CECR2: variants seen among roughly 807,000 people sequenced by gnomAD.
CECR2 encodes chromatin remodeling regulator CECR2.
In CECR2, 30 loss-of-function variants were observed where a neutral mutation model predicts 154.5. The ratio of observed to expected loss-of-function variants is 0.19; its 90% CI spans 0.15 to 0.26. CECR2 has a LOEUF of 0.26. Ranked by LOEUF, CECR2 falls within the 10% of genes least tolerant of loss-of-function variation. The pLI is 1.00. For synonymous variants in CECR2, 725 were observed against 683.7 expected, an observed-to-expected ratio of 1.06 and a Z score of -0.94; for missense variants, 1,743 against 1,829.3, an observed-to-expected ratio of 0.95 and a Z score of 0.86.
intron 1 of CECR2, among the ~76,000 whole-genome samples, chr22:17,396,097 CT>C (rs2053805636): frequency 1.3e-5 from 2 of 151,028 alleles, no homozygotes; most frequent in South Asian, 4.2e-4. Context: ...AAAAAAACAA[CT>C]GGCTGTGGTG....
chr22:17,548,784 A>G lies in CECR2; in HGVS notation c.3497A>G (p.Asn1166Ser). ...TTTCCCCCAAGGGGCTTTCAGTCTAACCACCCACATTCTGGAGGCTTTCCC... is the reference window on the plus strand; with the variant it reads ...TTTCCCCCAAGGGGCTTTCAGTCTAGCCACCCACATTCTGGAGGCTTTCCC... ...QHFPPRGFQS[N>S]HPHSGGFPRY... is the part of the protein sequence containing the mutation. Residue 1166 changes from asparagine to serine, a missense_variant, in exon 17 of 19, where the codon AAC (asparagine) becomes AGC (serine). Around this residue, in one of 4 missense-constraint regions of CECR2, gnomAD observed 1,250 missense variants for 1,192.1 expected, o/e 1.05. Coordinates refer to ENST00000262608, the MANE Select transcript of CECR2 (RefSeq NM_001290047.2). The G allele has an allele frequency of 6.2e-7, 1 of 1,613,728 alleles. No homozygotes were observed.
rs1569159027 is a variant in CECR2 at position 17,548,877 on chromosome 22, A to G, written c.3590A>G (p.Tyr1197Cys). ...HPPPQPSYHH[Y>C]QRTPYYACPQ... ...CCGCCACAGCCTTCCTACCACCACTATCAGCGAACTCCTTACTATGCCTGT... is the reference window on the plus strand; with the variant it reads ...CCGCCACAGCCTTCCTACCACCACTGTCAGCGAACTCCTTACTATGCCTGT... Residue 1197 changes from tyrosine (Y) to cysteine (C), a missense_variant, in exon 17 of 19, where the codon TAT becomes TGT. Physicochemically the swap from Tyr to Cys is radical, Grantham distance 194 (BLOSUM62 -2). Around this residue, in one of 4 missense-constraint regions of CECR2, gnomAD observed 1,250 missense variants for 1,192.1 expected, o/e 1.05. Transcript: ENST00000262608. 2 of 1,613,046 alleles carry G rather than the reference A, an allele frequency of 1.2e-6. No homozygotes were observed. The highest frequency in any genetic ancestry group is 2.7e-5 in the African/African-American group (2 of 74,946).
intron 1 of CECR2, among the ~76,000 whole-genome samples, chr22:17,363,725 T>C (rs1259197631): frequency 2.0e-5 from 3 of 152,144 alleles, no homozygotes; most frequent in African/African-American, 7.2e-5. Context: ...AACCTTCACC[T>C]CTTGGGTTCA....
chr22:17,427,205 T>C (rs188473836), intron 1 of CECR2, among the ~76,000 whole-genome samples: 44 of 152,330 alleles, frequency 2.9e-4, no homozygotes, highest in Non-Finnish European at 1.5e-5. Context: ...CTTTTTTTAA[T>C]GGCTGCATAT....
At chr22:17,489,882 CTT>C (rs139768297) in intron 2 of CECR2, among the ~76,000 whole-genome samples, 23,936 of 140,334 alleles carry the variant, frequency 0.17, 1,922 homozygotes, top group Non-Finnish European at 0.19. Context: ...TTAGCTTGCT[CTT>C]TTTTTTTTTT....
chr22:17,553,005 G>A lies in CECR2; in HGVS notation c.*165G>A. The A allele has an allele frequency of 8.3e-6, 12 of 1,443,228 alleles. No homozygotes were observed. The highest frequency in any genetic ancestry group is 1.8e-4 in the Middle Eastern group (1 of 5,538). The allele number at this position is 1,443,228 out of a possible 1,614,324, so 89.4% of individuals were successfully genotyped here. A position where few individuals can be genotyped will look rare whatever the true frequency, so the allele number is the denominator to read the frequency against. On this transcript the variant is annotated 3_prime_UTR_variant, in exon 19 of 19. Coordinates refer to ENST00000262608, the MANE Select transcript of CECR2 (RefSeq NM_001290047.2). ...CTGGAGCCAGTCACGGGCCCTAAAA[G>A]GACACTCCTTAGATGACTGACACAC...
chr22:17,510,739 C>T (rs1392353913), intron 7 of CECR2, among the ~76,000 whole-genome samples: 1 of 152,126 alleles, frequency 6.6e-6, no homozygotes, highest in Non-Finnish European at 1.5e-5. Context: ...GTAGCTGGGA[C>T]TACAGGCACG....
At chr22:17,450,598 G>A (rs970259920) in intron 1 of CECR2, among the ~76,000 whole-genome samples, 1 of 152,204 alleles carries the variant, frequency 6.6e-6, no homozygotes, top group African/African-American at 2.4e-5. Flanking sequence ...CCTATGCAGT[G>A]AAAAGATCTC....
intron 1 of CECR2, among the ~76,000 whole-genome samples, chr22:17,430,265 C>T (rs1004516219): frequency 8.5e-5 from 13 of 152,150 alleles, no homozygotes; most frequent in African/African-American, 3.1e-4. Flanking sequence ...ATAACCTATA[C>T]CCGCATTTGT....
In CECR2 at chr22:17,524,282, T is replaced by C. The variant is rs929812794; in HGVS notation, c.1108+11T>C. The C allele has an allele frequency of 3.7e-6, 6 of 1,602,618 alleles. No individual in the cohort carries two copies. The highest frequency in any genetic ancestry group is 1.8e-4 in the Middle Eastern group (1 of 5,474). On this transcript the variant is annotated intron_variant, in intron 9 of 18. Transcript: ENST00000262608. ...TCAAGGCAGTGGAAGGTATGTGCAG[T>C]GTCCGCGTGGTCTGGAGAGGTGCAT... is the stretch of plus-strand genomic sequence containing the variant.
chr22:17,541,237 C>T (rs773296351), intron 14 of CECR2, among the ~76,000 whole-genome samples: 1 of 152,140 alleles, frequency 6.6e-6, no homozygotes, highest in African/African-American at 2.4e-5. Flanking sequence ...TGGGCGATCA[C>T]GAGGTCAGGA....
chr22:17,490,284 C>T (rs769772580), intron 2 of CECR2, among the ~76,000 whole-genome samples: 22 of 151,960 alleles, frequency 1.4e-4, no homozygotes, highest in African/African-American at 3.9e-4. Context: ...GGATGTGTAG[C>T]GGTAGCTTTG....
At chr22:17,418,116 A>G (rs1295558522) in intron 1 of CECR2, among the ~76,000 whole-genome samples, 8 of 152,174 alleles carry the variant, frequency 5.3e-5, no homozygotes, top group Admixed American at 5.2e-4. Flanking sequence ...AAAAATATAA[A>G]TCATTTTCAT....
intron 1 of CECR2, among the ~76,000 whole-genome samples, chr22:17,381,055 G>C (rs1171426841): frequency 6.7e-6 from 1 of 149,110 alleles, no homozygotes; most frequent in Non-Finnish European, 1.5e-5. Context: ...TTTTATAGCA[G>C]AGGCCTGGAG....
chr22:17,400,422 A>ACCC (rs2053874663), intron 1 of CECR2, among the ~76,000 whole-genome samples: 3 of 152,210 alleles, frequency 2.0e-5, no homozygotes, highest in African/African-American at 7.2e-5. Flanking sequence ...TCACTCAGTG[A>ACCC]AGATGCTTGC....
rs2056756422 is a variant in CECR2 at position 17,554,873 on chromosome 22, G to C, written c.*2033G>C. The C allele has an allele frequency of 1.3e-5, 2 of 152,284 alleles. No homozygotes were observed. Among genetic ancestry groups the C allele is most frequent in the South Asian group, 4.1e-4 (2 of 4,830 alleles). 9.4% of individuals were successfully genotyped at this position (152,284 alleles called of 1,614,324 possible). A position where few individuals can be genotyped will look rare whatever the true frequency, so the allele number is the denominator to read the frequency against. ...ATGGGGCATTACTACTTCAGTTTCTGTGTTTGTGCAGAAGCAGGGAGGAGG... is the reference window on the plus strand; with the variant it reads ...ATGGGGCATTACTACTTCAGTTTCTCTGTTTGTGCAGAAGCAGGGAGGAGG... On this transcript the variant is annotated 3_prime_UTR_variant, in exon 19 of 19. Transcript: ENST00000262608.
chr22:17,515,962 A>G (rs1441788000), intron 8 of CECR2, among the ~76,000 whole-genome samples: 1 of 152,252 alleles, frequency 6.6e-6, no homozygotes, highest in Non-Finnish European at 1.5e-5. Flanking sequence ...GGCGTGAGCC[A>G]CCACGCCCGG....
At chr22:17,372,310 TA>T (rs1423223579) in intron 1 of CECR2, among the ~76,000 whole-genome samples, 1 of 152,182 alleles carries the variant, frequency 6.6e-6, no homozygotes, top group African/African-American at 2.4e-5. Flanking sequence ...CGCTTTTTAG[TA>T]GTTATCAAAA....
intron 2 of CECR2, among the ~76,000 whole-genome samples, chr22:17,488,376 G>T (rs2055462652): frequency 6.6e-6 from 1 of 152,078 alleles, no homozygotes; most frequent in Admixed American, 6.6e-5. Flanking sequence ...ACAAATGAGG[G>T]CACCACATAG....
Sources: gnomAD v4.1 joint callset for allele counts (sites outside exome capture counted in the v4.1 genomes callset) on GRCh38, gnomAD v4.1.1 for gene constraint, gnomAD v4.1.1 regional missense constraint, MANE v1.5 for transcripts, NCBI Gene and HGNC (gene_info 2026-07-23, HGNC 2026-07-21) for gene names.